Variants in SERINC5 observed in about 807,000 individuals in gnomAD.
SERINC5 encodes the protein serine incorporator 5.
In SERINC5, 41 loss-of-function variants were observed where a neutral mutation model predicts 63.1. The ratio of observed to expected loss-of-function variants is 0.65; its 90% CI spans 0.51 to 0.84. The LOEUF (loss-of-function observed/expected upper bound fraction) is 0.84, where lower values mean the gene tolerates loss of function less well. Ranked by LOEUF, SERINC5 falls within the 40% of genes least tolerant of loss-of-function variation. The pLI is 0.00. For missense variants in SERINC5, 523 were observed against 573.0 expected, an observed-to-expected ratio of 0.91 and a Z score of 0.89; for synonymous variants, 222 against 215.2, an observed-to-expected ratio of 1.03 and a Z score of -0.28.
At chr5:80,136,499 G>A (rs777852607), downstream of SERINC5, among the ~76,000 whole-genome samples, 1 of 152,076 alleles carries the variant, frequency 6.6e-6, no homozygotes, top group Non-Finnish European at 1.5e-5. Context: ...GTTGAAGAAC[G>A]GAATTAGACT....
chr5:80,169,221 G>C lies in SERINC5; in HGVS notation c.763+114C>G. The C allele has an allele frequency of 6.0e-6, 5 of 832,184 alleles. No individual in the cohort carries two copies. In the South Asian group the frequency reaches 8.7e-5, roughly 15 times the overall value. The allele number at this position is 832,184 out of a possible 1,614,324, so 51.5% of individuals were successfully genotyped here. On this transcript the variant is annotated intron_variant, in intron 6 of 11. Coordinates refer to ENST00000507668, the MANE Select transcript of SERINC5 (RefSeq NM_001174072.3). ...CCTACTGCTGACACATCCACAGTAA[G>C]TTAAGGAATACACTAGTTCCAAACA...
At chr5:80,238,333 GAT>G (rs2112583166) in intron 1 of SERINC5, among the ~76,000 whole-genome samples, 1 of 152,216 alleles carries the variant, frequency 6.6e-6, no homozygotes, top group East Asian at 1.9e-4. Context: ...CTAACGGTGA[GAT>G]AGTACACTCT....
At position 80,139,806 on chromosome 5, in the gene SERINC5, G is replaced by A. The variant is rs1375330671; in HGVS notation, c.*3857C>T. 1.0e-6 allele frequency: 1 copy of A among 985,338 alleles called. No individual in the cohort carries two copies. 61.0% of individuals were successfully genotyped at this position (985,338 alleles called of 1,614,324 possible). On this transcript the variant is annotated 3_prime_UTR_variant, in exon 12 of 12. Transcript: ENST00000507668. Reference sequence around the variant, plus strand: ...GGAGGGCCCAGTGTTCTTTCTGGGTGTGTAAGGTCTTACTTAGTTCAAGGT... The same window carrying A: ...GGAGGGCCCAGTGTTCTTTCTGGGTATGTAAGGTCTTACTTAGTTCAAGGT...
intron 8 of SERINC5, among the ~76,000 whole-genome samples, chr5:80,151,700 T>C (rs2112322763): frequency 6.6e-6 from 1 of 152,252 alleles, no homozygotes; most frequent in African/African-American, 2.4e-5. Flanking sequence ...ATACTTAGGG[T>C]TCCAGCTAAC....
At chr5:80,136,867 G>A (rs1745198617), downstream of SERINC5, among the ~76,000 whole-genome samples, 1 of 152,164 alleles carries the variant, frequency 6.6e-6, no homozygotes, top group Admixed American at 6.5e-5. Context: ...TGGGTGCAGT[G>A]GCTCGCGCCT....
intron 1 of SERINC5, among the ~76,000 whole-genome samples, chr5:80,208,517 C>G (rs76489043): frequency 0.087 from 13,272 of 152,216 alleles, 648 homozygotes; most frequent in East Asian, 0.16. Context: ...TCCTCACGCA[C>G]AGTGGCTGGC....
At chr5:80,172,291 A>AG (rs1747721388) in intron 5 of SERINC5, among the ~76,000 whole-genome samples, 1 of 152,228 alleles carries the variant, frequency 6.6e-6, no homozygotes, top group African/African-American at 2.4e-5. Flanking sequence ...ACTGCACTCT[A>AG]GCCTGGGCAA....
downstream of SERINC5, among the ~76,000 whole-genome samples, chr5:80,136,105 GTA>G (rs1376892871): frequency 1.3e-5 from 2 of 152,076 alleles, no homozygotes; most frequent in Non-Finnish European, 2.9e-5. Flanking sequence ...GCTCACACCT[GTA>G]ATCCCAGCAC....
chr5:80,255,388 G>C (rs568940699), intron 1 of SERINC5, among the ~76,000 whole-genome samples: 1 of 152,032 alleles, frequency 6.6e-6, no homozygotes, highest in African/African-American at 2.4e-5. Flanking sequence ...GTCAGGCTTC[G>C]AGACATTCTC....
At chr5:80,121,495 G>A (rs1159928207) in intron 11 of SERINC5, among the ~76,000 whole-genome samples, 4 of 151,884 alleles carry the variant, frequency 2.6e-5, no homozygotes, top group African/African-American at 7.3e-5. Context: ...TGACCCAAAC[G>A]CCAGGCCCCA....
intron 1 of SERINC5, among the ~76,000 whole-genome samples, chr5:80,245,929 T>C (rs1352004968): frequency 7.0e-6 from 1 of 141,988 alleles, no homozygotes; most frequent in Non-Finnish European, 1.5e-5. Flanking sequence ...AGAATATTTA[T>C]CAATTGACAT....
At position 80,123,454 on chromosome 5, in the gene SERINC5, A is replaced by T. The variant is rs187467355; in HGVS notation, c.1239-9829T>A. ...TTATTTTTTATTAATAAAAAGTGAC[A>T]TGGGGAGATGGTGGAAGTTAGAGTG... On this transcript the variant is annotated intron_variant, in intron 11 of 12. Transcript: ENST00000509193. 2.1e-3 allele frequency among the ~76,000 whole-genome samples: 316 copies of T among 152,296 alleles called. 1 individual carries two copies. Among genetic ancestry groups the T allele is most frequent in the African/African-American group, 7.1e-3 (296 of 41,562 alleles).
At chr5:80,182,251 T>C (rs1748477253) in intron 2 of SERINC5, among the ~76,000 whole-genome samples, 1 of 152,186 alleles carries the variant, frequency 6.6e-6, no homozygotes, top group Admixed American at 6.5e-5. Flanking sequence ...CCTCTGACCT[T>C]GGCGTCACTC....
At chr5:80,175,489 G>A (rs1362272675) in intron 4 of SERINC5, among the ~76,000 whole-genome samples, 1 of 152,176 alleles carries the variant, frequency 6.6e-6, no homozygotes, top group Non-Finnish European at 1.5e-5. Flanking sequence ...AGGGGACAAG[G>A]ACTCGGTTCG....
rs925200148 is a variant in SERINC5, at chr5:80,141,684, T to A, written c.*1979A>T. ...CACGCAGCCCCACTCCCTGAGCCCATTCCTGGCCCACGGAACTCCTGTCCC... is the reference window on the plus strand; with the variant it reads ...CACGCAGCCCCACTCCCTGAGCCCAATCCTGGCCCACGGAACTCCTGTCCC... On this transcript the variant is annotated 3_prime_UTR_variant, in exon 12 of 12. Coordinates refer to ENST00000507668, the MANE Select transcript of SERINC5 (RefSeq NM_001174072.3). 36 of 985,408 alleles carry A rather than the reference T, an allele frequency of 3.7e-5. No individual in the cohort carries two copies. Among genetic ancestry groups the A allele is most frequent in the Admixed American group, 6.1e-5 (1 of 16,268 alleles). The allele number at this position is 985,408 out of a possible 1,614,324, so 61.0% of individuals were successfully genotyped here.
At chr5:80,197,037 TGA>T (rs1490457353) in intron 2 of SERINC5, among the ~76,000 whole-genome samples, 1 of 152,170 alleles carries the variant, frequency 6.6e-6, no homozygotes, top group Non-Finnish European at 1.5e-5. Context: ...TGCTACAACC[TGA>T]GTGTGAACCT....
intron 11 of SERINC5, among the ~76,000 whole-genome samples, chr5:80,131,996 C>T (rs142690140): frequency 1.2e-4 from 19 of 152,162 alleles, no homozygotes; most frequent in African/African-American, 4.1e-4. Context: ...GAGAAAGATA[C>T]GTAGAAGAGA....
intron 2 of SERINC5, among the ~76,000 whole-genome samples, chr5:80,192,709 G>GCTCCAC: frequency 6.6e-6 from 1 of 152,242 alleles, no homozygotes; most frequent in East Asian, 1.9e-4. Flanking sequence ...AGACTGTCTC[G>GCTCCAC]CTGAAATTTT....
intron 1 of SERINC5, among the ~76,000 whole-genome samples, chr5:80,210,091 T>C (rs563922051): frequency 6.6e-6 from 1 of 152,018 alleles, no homozygotes; most frequent in South Asian, 2.1e-4. Flanking sequence ...AGTTGAACGA[T>C]AGTGATATAA....
Sources: gnomAD v4.1 joint callset for allele counts (sites outside exome capture counted in the v4.1 genomes callset) on GRCh38, gnomAD v4.1.1 for gene constraint, MANE v1.5 for transcripts, NCBI Gene and HGNC (gene_info 2026-07-23, HGNC 2026-07-21) for gene names.